Variants in CCDC150 observed in about 807,000 individuals in gnomAD.
CCDC150 encodes coiled-coil domain-containing protein 150.
A neutral mutation model predicts 156.5 loss-of-function variants in CCDC150; 151 were observed. That is an observed-to-expected ratio of 0.97 (90% confidence interval 0.85 to 1.10). The LOEUF (loss-of-function observed/expected upper bound fraction) is 1.10, where lower values mean the gene tolerates loss of function less well. CCDC150 is among the 50% of genes least tolerant of loss of function. The pLI, the probability that CCDC150 is intolerant of heterozygous loss-of-function variation, is 0.00. For synonymous variants in CCDC150, 452 were observed against 429.4 expected (o/e 1.05, Z -0.65); for missense variants, 1,312 against 1,268.1 (o/e 1.03, Z -0.53).
rs373923133 is a variant in CCDC150, at chr2:196,730,048, G to A, written c.2912G>A (p.Arg971Gln). 3.2e-5 allele frequency: 51 copies of A among 1,613,658 alleles called. No homozygotes were observed. Among genetic ancestry groups the A allele is most frequent in the East Asian group, 1.8e-4 (8 of 44,882 alleles). The change falls in exon 25 of 28, where the codon CGG becomes CAG. Residue 971 changes from arginine to glutamine, a missense_variant. Coordinates refer to ENST00000389175, the MANE Select transcript of CCDC150 (RefSeq NM_001080539.2). The part of the protein sequence containing the change: ...LAKSQYDASV[R>Q]NKQQELHLEA... The stretch of plus-strand genomic sequence containing the variant: ...AAGAGCCAATATGATGCCTCAGTGC[G>A]GAATAAACAGCAAGAGCTGCACCTA...
At chr2:196,694,662 G>A (rs1473821448) in intron 13 of CCDC150, among the ~76,000 whole-genome samples, 1 of 151,744 alleles carries the variant, frequency 6.6e-6, no homozygotes, top group Non-Finnish European at 1.5e-5. Flanking sequence ...AGGAGTTCGA[G>A]ACCAGCCTGA....
chr2:196,693,931 A>G (rs1218964453), intron 13 of CCDC150, among the ~76,000 whole-genome samples: 2 of 151,874 alleles, frequency 1.3e-5, no homozygotes, highest in East Asian at 1.9e-4. Context: ...GAAACGGTGT[A>G]TTATACTGAT....
intron 13 of CCDC150, among the ~76,000 whole-genome samples, chr2:196,681,879 AT>A (rs1457400721): frequency 2.6e-5 from 4 of 152,024 alleles, no homozygotes; most frequent in Non-Finnish European, 5.9e-5. Context: ...ATCAGATATG[AT>A]TTGCAGGTAT....
chr2:196,698,496 A>T (rs1695965124), intron 14 of CCDC150, among the ~76,000 whole-genome samples: 1 of 152,190 alleles, frequency 6.6e-6, no homozygotes, highest in African/African-American at 2.4e-5. Flanking sequence ...TAGAAGACTC[A>T]GATAATTTAA....
intron 15 of CCDC150, among the ~76,000 whole-genome samples, chr2:196,709,461 G>T (rs1376123457): frequency 6.6e-6 from 1 of 152,066 alleles, no homozygotes; most frequent in Non-Finnish European, 1.5e-5. Flanking sequence ...TCCTCCTTTG[G>T]CTCGGAGAAA....
Position 196,718,628 on chromosome 2 carries a change from G to A in CCDC150, c.1992G>A (p.Lys664=). 6.2e-6 allele frequency: 10 copies of A among 1,613,212 alleles called. No individual in the cohort carries two copies. The highest frequency in any genetic ancestry group is 8.5e-6 in the Non-Finnish European group (10 of 1,179,414). ...AGGCTGTGGAGGACAGGGAAAACAAGAAGGCAAGGAATCAGTCCCTTCTGA... is the reference window on the plus strand; with the variant it reads ...AGGCTGTGGAGGACAGGGAAAACAAAAAGGCAAGGAATCAGTCCCTTCTGA... ...DLEAVEDREN[K]KVGNFQRQLA... The change falls in exon 18 of 28, where the codon AAG becomes AAA. Residue 664 remains lysine (K), a synonymous_variant. Transcript: ENST00000389175.
intron 9 of CCDC150, among the ~76,000 whole-genome samples, chr2:196,673,579 C>T (rs892354818): frequency 2.0e-5 from 3 of 152,060 alleles, no homozygotes; most frequent in Non-Finnish European, 4.4e-5. Context: ...CTTCCTAGTG[C>T]TCTTTCAAAG....
rs189003622 is a variant in CCDC150, at chr2:196,694,999, T to C, written c.1510-47T>C. Reference sequence around the variant, plus strand: ...CATTTTAAAAATAAGATAATACTTTTTGCATCTGGCGTAAATAGTTTCTTT... The same window carrying C: ...CATTTTAAAAATAAGATAATACTTTCTGCATCTGGCGTAAATAGTTTCTTT... On this transcript the variant is annotated intron_variant, in intron 13 of 27. Transcript: ENST00000389175. The C allele has an allele frequency of 1.3e-4, 127 of 950,560 alleles. No homozygotes were observed. In the East Asian group the frequency reaches 2.9e-3, roughly 21 times the overall value. 58.9% of individuals were successfully genotyped at this position (950,560 alleles called of 1,614,324 possible).
At chr2:196,645,590 A>G (rs571053428) in intron 1 of CCDC150, among the ~76,000 whole-genome samples, 60 of 152,378 alleles carry the variant, frequency 3.9e-4, no homozygotes, top group Non-Finnish European at 7.1e-4. Flanking sequence ...ATTCATTTAC[A>G]CGTTGTGACC....
chr2:196,647,708 A>C (rs1200556594), intron 2 of CCDC150, among the ~76,000 whole-genome samples: 4 of 152,204 alleles, frequency 2.6e-5, no homozygotes, highest in Non-Finnish European at 5.9e-5. Context: ...TTATTGTATC[A>C]GGCTAATTAA....
intron 2 of CCDC150, among the ~76,000 whole-genome samples, chr2:196,648,520 T>G (rs1575747839): frequency 6.6e-6 from 1 of 152,240 alleles, no homozygotes; most frequent in Non-Finnish European, 1.5e-5. Flanking sequence ...GAGTTTCTTG[T>G]ATATTTTGAA....
chr2:196,640,434 T>G (rs1692145047), intron 1 of CCDC150, among the ~76,000 whole-genome samples: 1 of 152,214 alleles, frequency 6.6e-6, no homozygotes, highest in South Asian at 2.1e-4. Flanking sequence ...ATCCTTTGTG[T>G]TCTCTGTTAT....
At chr2:196,705,793 A>G (rs1260058075) in intron 15 of CCDC150, among the ~76,000 whole-genome samples, 2 of 152,218 alleles carry the variant, frequency 1.3e-5, no homozygotes, top group Admixed American at 1.3e-4. Context: ...TCCCAGCACC[A>G]TTTATTAAAT....
intron 17 of CCDC150, chr2:196,713,337 G>GT (rs752923630): frequency 1.3e-4 from 186 of 1,442,158 alleles, no homozygotes; most frequent in Non-Finnish European, 1.6e-4. Context: ...TGATTTTATT[G>GT]TTTTTATTAA....
intron 13 of CCDC150, among the ~76,000 whole-genome samples, chr2:196,689,155 G>A (rs2125639973): frequency 6.6e-6 from 1 of 152,280 alleles, no homozygotes; most frequent in African/African-American, 2.4e-5. Flanking sequence ...TAGCCTTGTA[G>A]TATAATTTGA....
Position 196,656,843 on chromosome 2 carries a change from T to C in CCDC150, c.387T>C (p.Pro129=). 2 of 1,613,810 alleles carry C rather than the reference T, an allele frequency of 1.2e-6. No individual in the cohort carries two copies. The highest frequency in any genetic ancestry group is 2.2e-5 in the South Asian group (2 of 91,078). ...TGCAAACTGAAAAGGATTTGAATCCTCAGAAAACAGGTATAGAGATAAGAA... is the reference window on the plus strand; with the variant it reads ...TGCAAACTGAAAAGGATTTGAATCCCCAGAAAACAGGTATAGAGATAAGAA... The part of the protein sequence containing the change: ...FRLQTEKDLN[P]QKTAFLKDRL... Residue 129 remains proline, a synonymous_variant, in exon 3 of 28, where the codon CCT becomes CCC. Transcript: ENST00000389175.
At chr2:196,731,066 A>C (rs1469826150) in intron 26 of CCDC150, 121 bp downstream of exon 26, 8 of 641,902 alleles carry the variant, frequency 1.2e-5, no homozygotes, top group Non-Finnish European at 2.2e-5. Context: ...ACAGGGAAGA[A>C]CGAGTAACTT....
At chr2:196,680,437 G>A (rs1694748656) in intron 13 of CCDC150, among the ~76,000 whole-genome samples, 1 of 152,056 alleles carries the variant, frequency 6.6e-6, no homozygotes, top group Non-Finnish European at 1.5e-5. Flanking sequence ...GAGTAGCTGG[G>A]ACTGCAGATG....
chr2:196,652,115 A>G (rs771279591), intron 2 of CCDC150, among the ~76,000 whole-genome samples: 10 of 152,196 alleles, frequency 6.6e-5, no homozygotes, highest in Admixed American at 1.3e-4. Context: ...TCACATTTCA[A>G]CATGAAATTT....
Sources: allele counts gnomAD v4.1 joint callset (sites outside exome capture counted in the v4.1 genomes callset), GRCh38; gene constraint gnomAD v4.1.1; transcripts MANE v1.5; gene names NCBI Gene and HGNC (gene_info 2026-07-23, HGNC 2026-07-21).